Variants in ERBB4 observed in about 807,000 individuals in gnomAD.
ERBB4 encodes receptor tyrosine-protein kinase erbB-4.
Under a neutral mutation model 158.0 loss-of-function variants are expected in ERBB4, and 42 were observed. The ratio of observed to expected loss-of-function variants is 0.27; its 90% CI spans 0.21 to 0.34. ERBB4 has a LOEUF of 0.34. ERBB4 is among the 10% of genes least tolerant of loss of function. The pLI, the probability that ERBB4 is intolerant of heterozygous loss-of-function variation, is 1.00. For synonymous variants in ERBB4, 583 were observed against 558.7 expected, an observed-to-expected ratio of 1.04 and a Z score of -0.61; for missense variants, 1,333 against 1,624.1, an observed-to-expected ratio of 0.82 and a Z score of 3.08.
At chr2:212,021,065 A>T (rs1253818174) in intron 2 of ERBB4, among the ~76,000 whole-genome samples, 2 of 152,164 alleles carry the variant, frequency 1.3e-5, no homozygotes, top group Non-Finnish European at 2.9e-5. Flanking sequence ...TATGCTCACC[A>T]TGATTATATA....
In ERBB4 at chr2:212,138,802, T is replaced by C. The variant is rs140684395; in HGVS notation, c.83-13899A>G. Among the ~76,000 whole-genome samples, 156 of 152,312 alleles carry C rather than the reference T, an allele frequency of 1.0e-3. 2 individuals carry two copies. The highest frequency in any genetic ancestry group is 8.3e-3 in the East Asian group (43 of 5,190). On this transcript the variant is annotated intron_variant, in intron 1 of 27. Transcript: ENST00000342788. Reference sequence around the variant, plus strand: ...CGGATACACACATTATTGAAAACTATTCCATTTCAGGCTGATTTTCAATTA... The same window carrying C: ...CGGATACACACATTATTGAAAACTACTCCATTTCAGGCTGATTTTCAATTA...
At chr2:212,447,326 T>C (rs2092376584) in intron 1 of ERBB4, among the ~76,000 whole-genome samples, 1 of 152,118 alleles carries the variant, frequency 6.6e-6, no homozygotes, top group Admixed American at 6.6e-5. Context: ...GGTGAAAAAA[T>C]ACATTCCACT....
At chr2:211,885,769 A>ATCTAAAATGCATT (rs2078783584) in intron 3 of ERBB4, among the ~76,000 whole-genome samples, 1 of 152,106 alleles carries the variant, frequency 6.6e-6, no homozygotes, top group South Asian at 2.1e-4. Context: ...GATTTTTTTA[A>ATCTAAAATGCATT]TCTAAAATGC....
chr2:211,411,722 C>G (rs1315950369), intron 25 of ERBB4, among the ~76,000 whole-genome samples: 1 of 152,126 alleles, frequency 6.6e-6, no homozygotes. Context: ...TTCAAAAATC[C>G]TTCAACTGTT....
chr2:211,384,707 A>G (rs1031987592), intron 27 of ERBB4, among the ~76,000 whole-genome samples: 5 of 152,194 alleles, frequency 3.3e-5, no homozygotes, highest in Admixed American at 6.5e-5. Flanking sequence ...TTGACATTAC[A>G]TATACTTCTA....
At chr2:212,189,454 C>T (rs2082124582) in intron 1 of ERBB4, among the ~76,000 whole-genome samples, 8 of 152,136 alleles carry the variant, frequency 5.3e-5, no homozygotes. Context: ...AGAAATAAAA[C>T]TGTGAAGTCC....
At chr2:211,967,045 C>A (rs550922653) in intron 2 of ERBB4, among the ~76,000 whole-genome samples, 1 of 152,120 alleles carries the variant, frequency 6.6e-6, no homozygotes, top group East Asian at 1.9e-4. Flanking sequence ...GGCTGAAGAT[C>A]CCATTTATAA....
intron 1 of ERBB4, among the ~76,000 whole-genome samples, chr2:212,191,122 T>C (rs1475808459): frequency 6.6e-6 from 1 of 152,124 alleles, no homozygotes; most frequent in Non-Finnish European, 1.5e-5. Context: ...TGTAGTTTCA[T>C]AAAACAAGGG....
At chr2:212,196,328 A>T (rs937860426) in intron 1 of ERBB4, among the ~76,000 whole-genome samples, 2 of 152,142 alleles carry the variant, frequency 1.3e-5, no homozygotes, top group Non-Finnish European at 2.9e-5. Flanking sequence ...GCAGATCATT[A>T]TAACGGTCTT....
At chr2:211,420,656 A>C (rs1466690208) in intron 24 of ERBB4, 45 bp from the exon 25 acceptor site, 1 of 1,483,490 alleles carries the variant, frequency 6.7e-7, no homozygotes, top group Non-Finnish European at 9.4e-7. Flanking sequence ...ATTCTTTCTT[A>C]TCTTAAATAT....
intron 1 of ERBB4, among the ~76,000 whole-genome samples, chr2:212,441,195 C>A (rs569252429): frequency 1.3e-5 from 2 of 152,160 alleles, no homozygotes; most frequent in Admixed American, 1.3e-4. Context: ...CTCTGATGAA[C>A]CTTTTTTGTC....
rs561509367 is a variant in ERBB4, at chr2:212,296,458, A to C, written c.83-171555T>G. ...GTGTCATATATAACAGTTCTTCAGT[A>C]ATGTAAAGAACTATTTCAAGGTCAT... On this transcript the variant is annotated intron_variant, in intron 1 of 27. Coordinates refer to ENST00000342788, the MANE Select transcript of ERBB4 (RefSeq NM_005235.3). 3.3e-5 allele frequency among the ~76,000 whole-genome samples: 5 copies of C among 152,112 alleles called. No homozygotes were observed. In the East Asian group the frequency reaches 9.7e-4, roughly 30 times the overall value.
intron 1 of ERBB4, among the ~76,000 whole-genome samples, chr2:212,130,110 T>A (rs1303498499): frequency 6.6e-6 from 1 of 152,132 alleles, no homozygotes; most frequent in Non-Finnish European, 1.5e-5. Flanking sequence ...AAGCTGTTTA[T>A]CAAAACACAA....
chr2:211,388,577 T>C (rs1290151804), intron 25 of ERBB4, among the ~76,000 whole-genome samples: 1 of 152,022 alleles, frequency 6.6e-6, no homozygotes, highest in Non-Finnish European at 1.5e-5. Context: ...TTTTTGTTTT[T>C]TTTTTTTAAG....
At chr2:212,256,576 G>T (rs1032631565) in intron 1 of ERBB4, among the ~76,000 whole-genome samples, 1 of 152,254 alleles carries the variant, frequency 6.6e-6, no homozygotes, top group South Asian at 2.1e-4. Flanking sequence ...TTAAGGATCT[G>T]CACATATTAA....
At chr2:211,568,660 CAG>C (rs2067624101) in intron 19 of ERBB4, among the ~76,000 whole-genome samples, 1 of 151,886 alleles carries the variant, frequency 6.6e-6, no homozygotes, top group Non-Finnish European at 1.5e-5. Flanking sequence ...CTCATTGCAT[CAG>C]AGATAGGGAA....
intron 1 of ERBB4, among the ~76,000 whole-genome samples, chr2:212,256,440 T>C (rs550965007): frequency 6.6e-6 from 1 of 152,266 alleles, no homozygotes; most frequent in South Asian, 2.1e-4. Context: ...GTGAATTTGA[T>C]AGTCAGAAAC....
Position 211,673,177 on chromosome 2 carries a change from G to A in ERBB4, c.1703C>T (p.Thr568Ile), listed in dbSNP as rs2105938800. ...CTTCAGGCTTACCGGTCCATGGCAT[G>A]TGAGGAGGCCATCTTCCATCTTCTC... Reference protein sequence around the residue: ...QCEKMEDGLLTCHGPGPDNCT... With the variant: ...QCEKMEDGLLICHGPGPDNCT... Residue 568 changes from threonine (T) to isoleucine (I), a missense_variant, in exon 14 of 28, where the codon ACA becomes ATA. Around this residue, in one of 5 missense-constraint regions of ERBB4, gnomAD observed 245 missense variants for 247.5 expected, o/e 0.99. Coordinates refer to ENST00000342788, the MANE Select transcript of ERBB4 (RefSeq NM_005235.3). The A allele has an allele frequency of 1.2e-6, 2 of 1,612,322 alleles. No homozygotes were observed. The highest frequency in any genetic ancestry group is 1.7e-5 in the Admixed American group (1 of 59,990).
chr2:212,520,885 G>A (rs1437609000), intron 1 of ERBB4, among the ~76,000 whole-genome samples: 1 of 143,902 alleles, frequency 6.9e-6, no homozygotes, highest in Non-Finnish European at 1.5e-5. Flanking sequence ...CACTGGCATA[G>A]CTCTGTGAAG....
Sources: gnomAD v4.1 joint callset for allele counts (sites outside exome capture counted in the v4.1 genomes callset) on GRCh38, gnomAD v4.1.1 for gene constraint, gnomAD v4.1.1 regional missense constraint, MANE v1.5 for transcripts, NCBI Gene and HGNC (gene_info 2026-07-23, HGNC 2026-07-21) for gene names.